Variants in ZFHX3 observed in about 807,000 individuals in gnomAD.
ZFHX3 encodes the protein zinc finger homeobox 3.
In ZFHX3, 42 loss-of-function variants were observed where a neutral mutation model predicts 279.1. The ratio of observed to expected loss-of-function variants is 0.15; its 90% CI spans 0.12 to 0.19. ZFHX3 has a LOEUF of 0.19. Ranked by LOEUF, ZFHX3 falls within the 10% of genes least tolerant of loss-of-function variation. The pLI, the probability that ZFHX3 is intolerant of heterozygous loss-of-function variation, is 1.00. For missense variants in ZFHX3, 4,981 were observed against 4,754.0 expected, an observed-to-expected ratio of 1.05 and a Z score of -1.40; for synonymous variants, 2,293 against 1,957.8, an observed-to-expected ratio of 1.17 and a Z score of -4.52.
At chr16:73,197,699 T>G (rs1968179221) in intron 5 of ZFHX3, among the ~76,000 whole-genome samples, 1 of 152,138 alleles carries the variant, frequency 6.6e-6, no homozygotes, top group African/African-American at 2.4e-5. Flanking sequence ...AGCCTGAGGG[T>G]AAAAAACAAT....
chr16:73,792,651 G>C (rs979132571), intron 1 of ZFHX3, among the ~76,000 whole-genome samples: 1 of 152,156 alleles, frequency 6.6e-6, no homozygotes, highest in Non-Finnish European at 1.5e-5. Flanking sequence ...TGGACCTAAG[G>C]GCTGATTTAC....
intron 2 of ZFHX3, among the ~76,000 whole-genome samples, chr16:73,568,397 C>T (rs146936975): frequency 6.6e-6 from 1 of 152,244 alleles, no homozygotes; most frequent in Non-Finnish European, 1.5e-5. Context: ...TAGGGGAAAC[C>T]TGCCTTGTCT....
intron 3 of ZFHX3, among the ~76,000 whole-genome samples, chr16:73,361,278 C>T (rs766663473): frequency 1.4e-4 from 22 of 152,214 alleles, no homozygotes; most frequent in African/African-American, 2.4e-4. Context: ...GCCGATGAGA[C>T]GGTGGCAAGC....
intron 4 of ZFHX3, among the ~76,000 whole-genome samples, chr16:72,839,255 C>T (rs754758203): frequency 6.6e-6 from 1 of 151,710 alleles, no homozygotes; most frequent in African/African-American, 2.4e-5. Flanking sequence ...GTCAGCGCGA[C>T]GACAAAGGAG....
intron 1 of ZFHX3, among the ~76,000 whole-genome samples, chr16:73,859,996 T>C (rs1961838788): frequency 6.6e-6 from 1 of 152,186 alleles, no homozygotes. Flanking sequence ...CAAAGTCCTG[T>C]GGCCCAGTTC....
intron 4 of ZFHX3, among the ~76,000 whole-genome samples, chr16:72,886,713 T>C (rs1041787819): frequency 3.9e-5 from 6 of 151,948 alleles, no homozygotes; most frequent in Non-Finnish European, 8.8e-5. Context: ...TCTAGGTGTG[T>C]TGGTAGAAAG....
chr16:72,928,915 T>C (rs1023945846), intron 3 of ZFHX3, among the ~76,000 whole-genome samples: 1 of 151,910 alleles, frequency 6.6e-6, no homozygotes, highest in African/African-American at 2.4e-5. Flanking sequence ...TGAGCTAAAA[T>C]TGCACCACTG....
chr16:73,528,772 C>T lies in ZFHX3; in HGVS notation c.-1546-72514G>A, dbSNP rs796904045. Among the ~76,000 whole-genome samples the T allele has an allele frequency of 7.2e-5, 11 of 152,316 alleles. 1 individual carries two copies. Among genetic ancestry groups the T allele is most frequent in the African/African-American group, 2.6e-4 (11 of 41,568 alleles). On this transcript the variant is annotated intron_variant, in intron 2 of 17. Transcript: ENST00000641206. ...ACACCAAACATTTGAAGCACAGTAT[C>T]AGGATGGAGTTATGGTCTGTAGCCA...
chr16:72,930,097 A>G (rs1185330736), intron 3 of ZFHX3, among the ~76,000 whole-genome samples: 2 of 152,202 alleles, frequency 1.3e-5, no homozygotes, highest in Non-Finnish European at 2.9e-5. Flanking sequence ...GGGCGCCTGT[A>G]ATCCCAGCTA....
At chr16:73,295,986 C>T (rs914319121) in intron 4 of ZFHX3, among the ~76,000 whole-genome samples, 1 of 152,056 alleles carries the variant, frequency 6.6e-6, no homozygotes, top group African/African-American at 2.4e-5. Context: ...CTGTTGGCTC[C>T]CTGGATGGGG....
intron 4 of ZFHX3, among the ~76,000 whole-genome samples, chr16:72,857,018 G>A (rs1323568791): frequency 6.6e-6 from 1 of 152,146 alleles, no homozygotes; most frequent in African/African-American, 2.4e-5. Context: ...CACCTCCACA[G>A]GAGCTAAATG....
At chr16:72,947,635 T>C (rs1292372799) in intron 3 of ZFHX3, among the ~76,000 whole-genome samples, 3 of 151,916 alleles carry the variant, frequency 2.0e-5, no homozygotes, top group African/African-American at 7.3e-5. Flanking sequence ...GCCACTTCAC[T>C]AGGTGCCGCG....
At chr16:73,313,663 T>A (rs1305138898) in intron 4 of ZFHX3, among the ~76,000 whole-genome samples, 1 of 152,184 alleles carries the variant, frequency 6.6e-6, no homozygotes, top group Non-Finnish European at 1.5e-5. Context: ...ATCCTCATCA[T>A]CACTGTCATT....
At chr16:73,214,644 G>A (rs943996086) in intron 5 of ZFHX3, among the ~76,000 whole-genome samples, 2 of 152,012 alleles carry the variant, frequency 1.3e-5, no homozygotes, top group Non-Finnish European at 2.9e-5. Context: ...CTTCCCATGT[G>A]CTCGAGATCT....
intron 2 of ZFHX3, among the ~76,000 whole-genome samples, chr16:73,580,336 G>A (rs1184858007): frequency 6.6e-6 from 1 of 151,806 alleles, no homozygotes; most frequent in East Asian, 1.9e-4. Context: ...AAATTAGCTG[G>A]GTGCGGCGGC....
At chr16:73,702,032 C>T (rs1192914429) in intron 1 of ZFHX3, among the ~76,000 whole-genome samples, 1 of 152,082 alleles carries the variant, frequency 6.6e-6, no homozygotes, top group Admixed American at 6.6e-5. Context: ...TTTATATAGT[C>T]TTCAAACCAT....
chr16:73,488,111 A>G (rs825846), intron 2 of ZFHX3, among the ~76,000 whole-genome samples: 36,950 of 152,128 alleles, frequency 0.24, 5,105 homozygotes, highest in East Asian at 0.64. Context: ...TCACTTGGCA[A>G]TAAATAACTG....
intron 1 of ZFHX3, among the ~76,000 whole-genome samples, chr16:73,738,349 C>T (rs1344319988): frequency 2.0e-5 from 3 of 152,188 alleles, no homozygotes; most frequent in African/African-American, 4.8e-5. Flanking sequence ...CACATCTAAG[C>T]AAAGCAAGCA....
At chr16:73,541,786 CTTTT>C (rs546761843) in intron 2 of ZFHX3, among the ~76,000 whole-genome samples, 1,086 of 88,154 alleles carry the variant, frequency 0.012, 36 homozygotes, top group African/African-American at 0.04. Context: ...TGGTGGTTCT[CTTTT>C]TTTTTTTTTT....
Sources: gnomAD v4.1 joint callset for allele counts (sites outside exome capture counted in the v4.1 genomes callset) on GRCh38, gnomAD v4.1.1 for gene constraint, MANE v1.5 for transcripts, NCBI Gene and HGNC (gene_info 2026-07-23, HGNC 2026-07-21) for gene names.